Variants in YIPF7 observed in about 807,000 individuals in gnomAD.
YIPF7 encodes Yip1 domain family member 7.
Under a neutral mutation model 27.2 loss-of-function variants are expected in YIPF7, and 35 were observed. That is an observed-to-expected ratio of 1.29 (90% CI 0.98 to 1.70). The LOEUF is 1.70. Among genes scored for constraint, YIPF7 ranks in the 40% most tolerant of loss-of-function variants. The pLI is 0.00. For missense variants in YIPF7, 358 were observed against 303.7 expected, an observed-to-expected ratio of 1.18 and a Z score of -1.33; for synonymous variants, 137 against 110.4, an observed-to-expected ratio of 1.24 and a Z score of -1.51.
chr4:44,649,869 GA>G, intron 2 of YIPF7, 115 bp downstream of exon 2: 1 of 630,446 alleles, frequency 1.6e-6, no homozygotes, highest in Non-Finnish European at 2.7e-6. Flanking sequence ...TAGAGGGCAA[GA>G]AAGATCAGAC....
chr4:44,632,625 T>C (rs1712949353), intron 3 of YIPF7, among the ~76,000 whole-genome samples: 1 of 152,204 alleles, frequency 6.6e-6, no homozygotes, highest in Non-Finnish European at 1.5e-5. Flanking sequence ...CATAGTATTA[T>C]AGCTTCATAA....
intron 2 of YIPF7, among the ~76,000 whole-genome samples, chr4:44,659,222 AT>A (rs1204987628): frequency 1.3e-5 from 2 of 151,424 alleles, no homozygotes; most frequent in Non-Finnish European, 3.0e-5. Context: ...GCAGTAATAA[AT>A]TATATTTTTT....
In YIPF7 at chr4:44,659,796, G is replaced by T. The variant is rs144611359; in HGVS notation, c.-2+653C>A. 1.1e-3 allele frequency among the ~76,000 whole-genome samples: 162 copies of T among 152,062 alleles called. 3 individuals are homozygous for T. In the East Asian group the frequency reaches 0.026, roughly 25 times the overall value. Reference sequence around the variant, plus strand: ...TCTAGTTAAAATAATTTATCCTAAAGACTTAATCAGGGAATATACATTAAA... The same window carrying T: ...TCTAGTTAAAATAATTTATCCTAAATACTTAATCAGGGAATATACATTAAA... On this transcript the variant is annotated intron_variant, in intron 2 of 2. Transcript: ENST00000508947.
At chr4:44,651,389 A>G (rs575657564) in intron 1 of YIPF7, among the ~76,000 whole-genome samples, 165 bp downstream of exon 1, 1 of 152,328 alleles carries the variant, frequency 6.6e-6, no homozygotes, top group South Asian at 2.1e-4. Context: ...TCAACACATG[A>G]AAATATGGTA....
At chr4:44,637,598 T>A (rs1713173885) in intron 2 of YIPF7, among the ~76,000 whole-genome samples, 4 of 152,224 alleles carry the variant, frequency 2.6e-5, no homozygotes, top group South Asian at 2.1e-4. Flanking sequence ...TTTAAAAAAA[T>A]TTTGTATTTC....
intron 4 of YIPF7, among the ~76,000 whole-genome samples, chr4:44,628,492 CTA>C (rs1282382190): frequency 6.6e-6 from 1 of 152,084 alleles, no homozygotes; most frequent in African/African-American, 2.4e-5. Context: ...AGAGCTTTTC[CTA>C]TAATGTTTAA....
chr4:44,622,585 A>G lies in YIPF7; in HGVS notation c.609-9T>C, dbSNP rs750736016. ...TGATTCCAAAGATGCCCCTGCAGCAAAGACAAAGAAATGATTGCCTGTGCC... is the reference window on the plus strand; with the variant it reads ...TGATTCCAAAGATGCCCCTGCAGCAGAGACAAAGAAATGATTGCCTGTGCC... On this transcript the variant is annotated splice_polypyrimidine_tract_variant and intron_variant, in intron 5 of 5. Coordinates refer to ENST00000415895, the MANE Select transcript of YIPF7 (RefSeq NM_182592.3). The G allele has an allele frequency of 3.7e-6, 6 of 1,611,508 alleles. No homozygotes were observed. The South Asian group carries it at 6.6e-5, about 18-fold the overall frequency.
chr4:44,633,292 A>G (rs540826553), intron 3 of YIPF7, among the ~76,000 whole-genome samples: 2 of 152,218 alleles, frequency 1.3e-5, no homozygotes, highest in South Asian at 4.1e-4. Flanking sequence ...GGAAATAAAA[A>G]TCTATTACAT....
intron 2 of YIPF7, among the ~76,000 whole-genome samples, chr4:44,657,388 G>A (rs1404170003): frequency 3.9e-5 from 6 of 152,152 alleles, no homozygotes; most frequent in African/African-American, 1.4e-4. Context: ...GTAAGGTATA[G>A]CATGACAAAA....
chr4:44,642,500 C>G (rs752386905), intron 2 of YIPF7, among the ~76,000 whole-genome samples: 1 of 152,004 alleles, frequency 6.6e-6, no homozygotes, highest in Admixed American at 6.6e-5. Context: ...ATAACCAATA[C>G]CAAAAGAATC....
At chr4:44,636,197 C>G in intron 2 of YIPF7, 112 bp from the exon 3 acceptor site, 1 of 1,133,756 alleles carries the variant, frequency 8.8e-7, no homozygotes, top group Middle Eastern at 2.2e-4. Context: ...TGAGTATTTA[C>G]TCATGAAAGA....
chr4:44,649,007 G>A (rs571226659), intron 2 of YIPF7, among the ~76,000 whole-genome samples: 47 of 152,094 alleles, frequency 3.1e-4, no homozygotes, highest in East Asian at 1.5e-3. Flanking sequence ...CCTTGATTCC[G>A]TCATGGCATT....
At chr4:44,629,866 T>C (rs1017288168) in intron 3 of YIPF7, among the ~76,000 whole-genome samples, 1 of 152,238 alleles carries the variant, frequency 6.6e-6, no homozygotes, top group Non-Finnish European at 1.5e-5. Context: ...TAAATCTAAT[T>C]GAAAATTGGG....
At position 44,635,924 on chromosome 4, in the gene YIPF7, T is replaced by G; in HGVS notation, c.278A>C (p.Glu93Ala). The G allele has an allele frequency of 6.2e-7, 1 of 1,613,658 alleles. No individual in the cohort carries two copies. The highest frequency in any genetic ancestry group is 8.5e-7 in the Non-Finnish European group (1 of 1,179,704). The change falls in exon 3 of 6, where the codon GAA becomes GCA. Residue 93 changes from glutamate (E) to alanine (A), a missense_variant and splice_region_variant. Physicochemically the swap from Glu to Ala is moderately radical, Grantham distance 107. Transcript: ENST00000415895. ...TTAATAACACTTCCTTAACTTATCTTCTAGCAAAGGAGGCTCTTCATCAAA... is the reference window on the plus strand; with the variant it reads ...TTAATAACACTTCCTTAACTTATCTGCTAGCAAAGGAGGCTCTTCATCAAA... ...DSFDEEPPLL[E>A]ELGIHFDHIW...
At chr4:44,652,828 T>C (rs951785591), upstream of YIPF7, among the ~76,000 whole-genome samples, 1 of 152,210 alleles carries the variant, frequency 6.6e-6, no homozygotes. Flanking sequence ...CCTGATGAAG[T>C]ATTATTATCC....
At chr4:44,634,981 T>A (rs1283290656) in intron 3 of YIPF7, among the ~76,000 whole-genome samples, 3 of 152,212 alleles carry the variant, frequency 2.0e-5, no homozygotes, top group Non-Finnish European at 2.9e-5. Flanking sequence ...TAAATCTCTG[T>A]TCTGTTCTGA....
chr4:44,629,427 T>A lies in YIPF7; in HGVS notation c.402A>T (p.Val134=). 1 of 1,597,184 alleles carries A rather than the reference T, an allele frequency of 6.3e-7. No homozygotes were observed. Among genetic ancestry groups the A allele is most frequent in the Non-Finnish European group, 8.5e-7 (1 of 1,171,852 alleles). ...CCAGAAGCAAGGTGGCTCCCAGGGC[T>A]ACGCAAAAAAGAATGGGTCCAGTGA... ...TDLTGPILFC[V]ALGATLLLAG... The change falls in exon 4 of 6, where the codon GTA becomes GTT. Residue 134 remains valine, a synonymous_variant. Coordinates refer to ENST00000415895, the MANE Select transcript of YIPF7 (RefSeq NM_182592.3).
intron 2 of YIPF7, among the ~76,000 whole-genome samples, chr4:44,659,456 T>C (rs561059621): frequency 2.0e-5 from 3 of 152,096 alleles, no homozygotes; most frequent in Admixed American, 2.0e-4. Flanking sequence ...TATTATCTCC[T>C]AATTCAAAAT....
At chr4:44,630,151 A>G (rs1211473513) in intron 3 of YIPF7, among the ~76,000 whole-genome samples, 1 of 151,956 alleles carries the variant, frequency 6.6e-6, no homozygotes, top group Non-Finnish European at 1.5e-5. Context: ...TTTCTTCCAT[A>G]GTGGCGAGGT....
Sources: allele counts gnomAD v4.1 joint callset (sites outside exome capture counted in the v4.1 genomes callset), GRCh38; gene constraint gnomAD v4.1.1; transcripts MANE v1.5; gene names NCBI Gene and HGNC (gene_info 2026-07-23, HGNC 2026-07-21).